The following TSG101 variants were observed in gnomAD, a reference collection of about 807,000 sequenced individuals.
The protein encoded by TSG101 is tumor susceptibility 101.
A neutral mutation model predicts 48.5 loss-of-function variants in TSG101; 19 were observed. The ratio of observed to expected loss-of-function variants is 0.39; its 90% CI spans 0.27 to 0.58. The LOEUF is 0.58. Among genes scored for constraint, TSG101 ranks in the 20% least tolerant of loss-of-function variants. The pLI, the probability that TSG101 is intolerant of heterozygous loss-of-function variation, is 0.55. For missense variants in TSG101, 365 were observed against 484.4 expected, an observed-to-expected ratio of 0.75 and a Z score of 2.31; for synonymous variants, 174 against 169.4, an observed-to-expected ratio of 1.03 and a Z score of -0.21.
At chr11:18,506,300 T>C (rs187059253) in intron 6 of TSG101, among the ~76,000 whole-genome samples, 4 of 152,014 alleles carry the variant, frequency 2.6e-5, no homozygotes, top group African/African-American at 7.2e-5. Flanking sequence ...GAAATTTGTA[T>C]ATCTAGTATA....
chr11:18,525,606 A>G, intron 1 of TSG101: 2 of 817,824 alleles, frequency 2.4e-6, no homozygotes, highest in Non-Finnish European at 3.0e-6. Context: ...TATGTAAAAC[A>G]ATATACCGTT....
At chr11:18,524,283 A>T (rs1488654120) in intron 1 of TSG101, among the ~76,000 whole-genome samples, 1 of 152,266 alleles carries the variant, frequency 6.6e-6, no homozygotes, top group African/African-American at 2.4e-5. Flanking sequence ...GTTGAAAGTT[A>T]TGTTGAAGTT....
intron 7 of TSG101, among the ~76,000 whole-genome samples, chr11:18,500,648 C>T (rs533538601): frequency 3.3e-5 from 5 of 152,182 alleles, no homozygotes; most frequent in African/African-American, 1.2e-4. Context: ...AATGTCTATT[C>T]ATGTTCTTTG....
At chr11:18,487,602 G>C (rs573492732) in intron 7 of TSG101, among the ~76,000 whole-genome samples, 1 of 152,268 alleles carries the variant, frequency 6.6e-6, no homozygotes, top group South Asian at 2.1e-4. Flanking sequence ...CCAGGCTCAA[G>C]CTATCCTCCT....
intron 7 of TSG101, among the ~76,000 whole-genome samples, chr11:18,498,786 A>G (rs1849824316): frequency 1.3e-5 from 2 of 152,162 alleles, no homozygotes; most frequent in South Asian, 4.1e-4. Context: ...AGTGCCAAGG[A>G]GACTAAGCCA....
chr11:18,512,169 C>T (rs1850094690), intron 4 of TSG101, among the ~76,000 whole-genome samples: 1 of 152,110 alleles, frequency 6.6e-6, no homozygotes, highest in South Asian at 2.1e-4. Flanking sequence ...CTTTGGGAGG[C>T]TGAGGCGGAC....
chr11:18,493,812 A>C (rs1466806739), intron 7 of TSG101, among the ~76,000 whole-genome samples: 1 of 152,246 alleles, frequency 6.6e-6, no homozygotes, highest in Non-Finnish European at 1.5e-5. Flanking sequence ...ATTAAGTGCA[A>C]ACACTGCAAA....
At chr11:18,495,762 T>G (rs1441124812) in intron 7 of TSG101, among the ~76,000 whole-genome samples, 3 of 151,746 alleles carry the variant, frequency 2.0e-5, no homozygotes, top group African/African-American at 7.3e-5. Context: ...CAAAACACTA[T>G]GTAAACTGAG....
At chr11:18,499,275 TTATA>T (rs1331823036) in intron 7 of TSG101, among the ~76,000 whole-genome samples, 6 of 129,538 alleles carry the variant, frequency 4.6e-5, no homozygotes, top group Non-Finnish European at 8.0e-5. Context: ...TTATATATAT[TTATA>T]TATATCATAT....
intron 7 of TSG101, among the ~76,000 whole-genome samples, chr11:18,495,466 C>CTT (rs147441714): frequency 6.6e-6 from 1 of 152,052 alleles, no homozygotes; most frequent in African/African-American, 2.4e-5. Flanking sequence ...TTAACTTCCT[C>CTT]TTTTTTTACC....
chr11:18,481,859 T>C lies in TSG101; in HGVS notation c.854A>G (p.Asp285Gly), dbSNP rs777104841. 37 of 1,613,036 alleles carry C rather than the reference T, an allele frequency of 2.3e-5. No homozygotes were observed. Among genetic ancestry groups the C allele is most frequent in the Non-Finnish European group, 2.5e-5 (30 of 1,180,026 alleles). The change falls in exon 9 of 10, where the codon GAT (aspartate) becomes GGT (glycine). Residue 285 changes from aspartate to glycine, a missense_variant. Coordinates refer to ENST00000251968, the MANE Select transcript of TSG101 (RefSeq NM_006292.4). ...TRLDQEVAEV[D>G]KNIELLKKKD... ...CTTTTTCAAAAGTTCTATGTTTTTA[T>C]CAACCTCGGCCTGAAAACAGAACAG...
At chr11:18,491,021 C>T (rs1232255239) in intron 7 of TSG101, 2 of 187,310 alleles carry the variant, frequency 1.1e-5, no homozygotes, top group Non-Finnish European at 2.3e-5. Context: ...GAGGTGACCA[C>T]TTCTTTCCCA....
chr11:18,498,796 AG>A (rs1849824551), intron 7 of TSG101, among the ~76,000 whole-genome samples: 1 of 152,172 alleles, frequency 6.6e-6, no homozygotes, highest in Admixed American at 6.6e-5. Flanking sequence ...AGACTAAGCC[AG>A]GGTCACACCA....
chr11:18,484,087 G>A lies in TSG101; in HGVS notation c.641-15C>T, dbSNP rs751016678. ...CCTACTGGGACCTGCAGGAAACAGA[G>A]GCAAAAAACACTTGCTTACTTCCCA... On this transcript the variant is annotated splice_polypyrimidine_tract_variant and intron_variant, in intron 7 of 9. Coordinates refer to ENST00000251968, the MANE Select transcript of TSG101 (RefSeq NM_006292.4). The A allele has an allele frequency of 6.2e-7, 1 of 1,610,468 alleles. No individual in the cohort carries two copies. The highest frequency in any genetic ancestry group is 1.7e-5 in the Admixed American group (1 of 59,390).
At chr11:18,507,060 AAAAC>A in intron 5 of TSG101, 137 bp from the exon 6 acceptor site, 1 of 495,758 alleles carries the variant, frequency 2.0e-6, no homozygotes, top group Non-Finnish European at 3.5e-6. Flanking sequence ...GCACCAAAAC[AAAAC>A]AAATACCTCT....
chr11:18,518,595 A>G (rs1312212588), intron 2 of TSG101, among the ~76,000 whole-genome samples: 1 of 152,126 alleles, frequency 6.6e-6, no homozygotes, highest in African/African-American at 2.4e-5. Context: ...ATGCTTACCT[A>G]CTCTACAGAA....
At chr11:18,488,591 C>G (rs990128149) in intron 7 of TSG101, among the ~76,000 whole-genome samples, 9 of 152,138 alleles carry the variant, frequency 5.9e-5, no homozygotes, top group African/African-American at 2.2e-4. Context: ...GACTAAAGAG[C>G]AACACCGTGT....
chr11:18,519,523 T>C lies in TSG101; in HGVS notation c.123A>G (p.Ser41=), dbSNP rs1739975437. The change falls in exon 2 of 10, where the codon TCA becomes TCG. Residue 41 remains serine (S), a synonymous_variant. Transcript: ENST00000251968. ...ATTTTTACTGCATAAACTCACCATA[T>C]GAATCCAAAACAGGTTTGAGATCTT... The part of the protein sequence containing the change: ...LYKDLKPVLD[S]YVFNDGSSRE... The C allele has an allele frequency of 3.7e-6, 6 of 1,607,250 alleles. No individual in the cohort carries two copies. Among genetic ancestry groups the C allele is most frequent in the Non-Finnish European group, 5.1e-6 (6 of 1,175,010 alleles).
intron 2 of TSG101, among the ~76,000 whole-genome samples, chr11:18,519,190 A>C (rs1850228379): frequency 6.6e-6 from 1 of 151,860 alleles, no homozygotes; most frequent in Admixed American, 6.6e-5. Flanking sequence ...TTTTTTGTTG[A>C]GACGAGGTTT....
Sources: allele counts gnomAD v4.1 joint callset (sites outside exome capture counted in the v4.1 genomes callset), GRCh38; gene constraint gnomAD v4.1.1; transcripts MANE v1.5; gene names NCBI Gene and HGNC (gene_info 2026-07-23, HGNC 2026-07-21).